Variants in KCNG2 observed in about 807,000 individuals in gnomAD.
KCNG2 encodes the protein potassium voltage-gated channel modifier subfamily G member 2.
KCNG2 carries 7 observed loss-of-function variants against 12.3 expected under a neutral mutation model. The ratio of observed to expected loss-of-function variants is 0.57; its 90% CI spans 0.32 to 1.07. The LOEUF (loss-of-function observed/expected upper bound fraction) is 1.07. Among genes scored for constraint, KCNG2 ranks in the 50% least tolerant of loss-of-function variants. The pLI is 0.04. For missense variants in KCNG2, 703 were observed against 726.0 expected (o/e 0.97, Z 0.36); for synonymous variants, 414 against 351.4 (o/e 1.18, Z -1.99).
chr18:79,805,591 T>C (rs2087443186), intron 1 of KCNG2, among the ~76,000 whole-genome samples: 2 of 152,320 alleles, frequency 1.3e-5, no homozygotes, highest in South Asian at 4.1e-4. Flanking sequence ...AGTGGCTTCC[T>C]GTCTACTGTT....
rs149732232 is a variant in KCNG2 at position 79,855,103 on chromosome 18, AT to A, written c.-114-1272del. 5.6e-3 allele frequency among the ~76,000 whole-genome samples: 819 copies of A among 146,480 alleles called. 8 individuals carry two copies. Among genetic ancestry groups the A allele is most frequent in the African/African-American group, 0.019 (773 of 39,656 alleles). On this transcript the variant is annotated intron_variant, in intron 1 of 3. Transcript: ENST00000316249. ...AGTGTTTTTAATTCCTTCGTTCATT[AT>A]TTTCTGTAATTCTATTTTCTAAAGT...
chr18:79,887,569 C>G (rs187898938), intron 3 of KCNG2, among the ~76,000 whole-genome samples: 2 of 152,160 alleles, frequency 1.3e-5, no homozygotes, highest in Admixed American at 6.5e-5. Flanking sequence ...AACCACCCCC[C>G]AGCTGGGCGC....
At chr18:79,872,467 G>A (rs1228775707) in intron 3 of KCNG2, among the ~76,000 whole-genome samples, 1 of 152,064 alleles carries the variant, frequency 6.6e-6, no homozygotes, top group African/African-American at 2.4e-5. Flanking sequence ...TGTATTTTTA[G>A]TAGAGACGGG....
intron 1 of KCNG2, among the ~76,000 whole-genome samples, chr18:79,835,590 G>A (rs1364221547): frequency 6.6e-6 from 1 of 152,262 alleles, no homozygotes; most frequent in Non-Finnish European, 1.5e-5. Flanking sequence ...AAAAGAGTCA[G>A]TGAACTGGAA....
At chr18:79,869,793 C>T (rs1024973193) in intron 3 of KCNG2, among the ~76,000 whole-genome samples, 1 of 152,212 alleles carries the variant, frequency 6.6e-6, no homozygotes, top group African/African-American at 2.4e-5. Flanking sequence ...ACATTCTAAA[C>T]CCAAACACAC....
chr18:79,833,760 G>T (rs1393291071), intron 1 of KCNG2, among the ~76,000 whole-genome samples: 1 of 152,226 alleles, frequency 6.6e-6, no homozygotes. Flanking sequence ...GCAGCATCTG[G>T]CTGGCTGCTG....
intron 1 of KCNG2, among the ~76,000 whole-genome samples, chr18:79,805,666 G>A (rs934176334): frequency 2.0e-5 from 3 of 152,134 alleles, no homozygotes; most frequent in African/African-American, 4.8e-5. Flanking sequence ...CTGGCGCCCT[G>A]CAGGGCTGCA....
chr18:79,882,785 G>T (rs1049952003), intron 3 of KCNG2, among the ~76,000 whole-genome samples: 3 of 149,428 alleles, frequency 2.0e-5, no homozygotes, highest in African/African-American at 7.3e-5. Flanking sequence ...ACACCTGCGC[G>T]TGGAGCGCGG....
intron 3 of KCNG2, among the ~76,000 whole-genome samples, chr18:79,896,394 C>T (rs376657435): frequency 6.6e-6 from 1 of 152,052 alleles, no homozygotes; most frequent in Non-Finnish European, 1.5e-5. Flanking sequence ...AGATATTATG[C>T]CTATAGAGCT....
At chr18:79,889,092 C>T (rs1980656659) in intron 3 of KCNG2, among the ~76,000 whole-genome samples, 1 of 152,190 alleles carries the variant, frequency 6.6e-6, no homozygotes, top group Non-Finnish European at 1.5e-5. Flanking sequence ...TACTTCCTTC[C>T]ATTGTGTGGG....
intron 1 of KCNG2, among the ~76,000 whole-genome samples, chr18:79,833,792 C>T (rs777877474): frequency 1.3e-4 from 20 of 152,214 alleles, no homozygotes; most frequent in Non-Finnish European, 2.5e-4. Flanking sequence ...GTTGCAACAG[C>T]GAGTTTGTGT....
chr18:79,860,761 A>G (rs775720128), intron 2 of KCNG2, among the ~76,000 whole-genome samples: 2 of 152,190 alleles, frequency 1.3e-5, no homozygotes, highest in Non-Finnish European at 2.9e-5. Flanking sequence ...TCATCTCAAA[A>G]TATAGTTTTA....
At chr18:79,829,394 CT>C (rs2123020426) in intron 1 of KCNG2, among the ~76,000 whole-genome samples, 1 of 152,296 alleles carries the variant, frequency 6.6e-6, no homozygotes, top group East Asian at 1.9e-4. Context: ...GTACCTGCCC[CT>C]TCTCTGTTGC....
intron 1 of KCNG2, among the ~76,000 whole-genome samples, chr18:79,820,973 GTTTGTC>G (rs893724737): frequency 6.6e-6 from 1 of 152,054 alleles, no homozygotes; most frequent in Non-Finnish European, 1.5e-5. Flanking sequence ...AGATTTGGTT[GTTTGTC>G]TTTAGTTACT....
chr18:79,864,191 C>T lies in KCNG2; in HGVS notation c.524C>T (p.Ala175Val), dbSNP rs140899587. The T allele has an allele frequency of 1.9e-4, 288 of 1,528,970 alleles. No homozygotes were observed. Among genetic ancestry groups the T allele is most frequent in the Non-Finnish European group, 2.3e-4 (267 of 1,142,510 alleles). 94.7% of individuals were successfully genotyped at this position (1,528,970 alleles called of 1,614,324 possible). Residue 175 changes from alanine (A) to valine (V), a missense_variant, in exon 3 of 4, where the codon GCG becomes GTG. Ala to Val is a moderately conservative substitution (Grantham distance 64). Coordinates refer to ENST00000316249, the MANE Select transcript of KCNG2 (RefSeq NM_012283.2). ...GTGGACAACCCGCACTCGGGGCTGG[C>T]GGGCAAGCTCTTCGCCTGCGTGTCC... Reference protein sequence around the residue: ...DVVDNPHSGLAGKLFACVSVS... With the variant: ...DVVDNPHSGLVGKLFACVSVS...
In KCNG2 at chr18:79,800,619, G is replaced by A. The variant is rs191153682; in HGVS notation, c.-115+2605G>A. Among the ~76,000 whole-genome samples, 239 of 152,342 alleles carry A rather than the reference G, an allele frequency of 1.6e-3. No homozygotes were observed. The highest frequency in any genetic ancestry group is 5.3e-3 in the African/African-American group (221 of 41,592). On this transcript the variant is annotated intron_variant, in intron 1 of 3. Coordinates refer to ENST00000316249, the MANE Select transcript of KCNG2 (RefSeq NM_012283.2). The surrounding 1 kb of genome is among the most constrained non-coding windows in gnomAD (Gnocchi z 4.0). Reference sequence around the variant, plus strand: ...GGCACTCAGGGTCCTTGCTGGTGTCGGAGAAACAGCACTGGCTCCTTCACA... The same window carrying A: ...GGCACTCAGGGTCCTTGCTGGTGTCAGAGAAACAGCACTGGCTCCTTCACA...
rs1257902503 is a variant in KCNG2, at chr18:79,867,236, T to TCTTCCTGCCCCTGTCTTAGA, written c.624+2957_624+2976dup. 5.5e-4 allele frequency among the ~76,000 whole-genome samples: 83 copies of TCTTCCTGCCCCTGTCTTAGA among 151,962 alleles called. 1 individual carries two copies. The highest frequency in any genetic ancestry group is 2.6e-4 in the Admixed American group (4 of 15,282). On this transcript the variant is annotated intron_variant, in intron 3 of 3. Coordinates refer to ENST00000316249, the MANE Select transcript of KCNG2 (RefSeq NM_012283.2). Reference sequence around the variant, plus strand: ...CTGGGTGACTAGACCTGGGTGTGGATCTTCCTGCCCCTGTCTTAGACTTCC... The same window carrying TCTTCCTGCCCCTGTCTTAGA: ...CTGGGTGACTAGACCTGGGTGTGGATCTTCCTGCCCCTGTCTTAGACTTCCTGCCCCTGTCTTAGACTTCC...
chr18:79,876,733 C>T (rs1980088316), intron 3 of KCNG2, among the ~76,000 whole-genome samples: 3 of 152,340 alleles, frequency 2.0e-5, no homozygotes, highest in Middle Eastern at 3.4e-3. Context: ...ACCTGCAGAC[C>T]GCCTGGTCTC....
chr18:79,814,631 C>G (rs2087515333), intron 1 of KCNG2, among the ~76,000 whole-genome samples: 1 of 152,188 alleles, frequency 6.6e-6, no homozygotes, highest in Non-Finnish European at 1.5e-5. Context: ...GGGTCAGCAT[C>G]AATCCTGGCG....
Sources: gnomAD v4.1 joint callset for allele counts (sites outside exome capture counted in the v4.1 genomes callset) on GRCh38, gnomAD v4.1.1 for gene constraint, Gnocchi (gnomAD v3.1) non-coding constraint, MANE v1.5 for transcripts, NCBI Gene and HGNC (gene_info 2026-07-23, HGNC 2026-07-21) for gene names.